Variants in THSD4 observed in about 807,000 individuals in gnomAD.
THSD4 encodes the protein thrombospondin type 1 domain containing 4.
In THSD4, 69 loss-of-function variants were observed where a neutral mutation model predicts 119.0. The observed-to-expected ratio is 0.58, with a 90% CI of 0.48 to 0.71. THSD4 has a LOEUF of 0.71. Among genes scored for constraint, THSD4 ranks in the 30% least tolerant of loss-of-function variants. THSD4 has a pLI of 0.00. For synonymous variants in THSD4, 524 were observed against 540.4 expected (o/e 0.97, Z 0.42); for missense variants, 1,393 against 1,391.1 (o/e 1.00, Z -0.02).
intron 3 of THSD4, among the ~76,000 whole-genome samples, chr15:71,191,769 A>G (rs2043673708): frequency 6.6e-6 from 1 of 151,992 alleles, no homozygotes; most frequent in Non-Finnish European, 1.5e-5. Context: ...AGTCGGCCCC[A>G]CATGAACCGG....
At chr15:71,351,528 G>A (rs2045743526) in intron 6 of THSD4, among the ~76,000 whole-genome samples, 1 of 152,140 alleles carries the variant, frequency 6.6e-6, no homozygotes, top group African/African-American at 2.4e-5. Flanking sequence ...CTAGCCATCT[G>A]CTCTTGAGTT....
At chr15:71,620,923 C>T (rs1451717188) in intron 7 of THSD4, among the ~76,000 whole-genome samples, 1 of 152,068 alleles carries the variant, frequency 6.6e-6, no homozygotes, top group Non-Finnish European at 1.5e-5. Context: ...TTCTGGCTGC[C>T]TCCTATTGTG....
intron 6 of THSD4, among the ~76,000 whole-genome samples, chr15:71,401,532 CTT>C (rs1461995019): frequency 6.6e-6 from 1 of 152,046 alleles, no homozygotes; most frequent in Non-Finnish European, 1.5e-5. Flanking sequence ...GTAAATAATA[CTT>C]ATATTGTTAA....
intron 6 of THSD4, among the ~76,000 whole-genome samples, chr15:71,333,220 G>A (rs1362646203): frequency 6.6e-6 from 1 of 152,114 alleles, no homozygotes; most frequent in African/African-American, 2.4e-5. Flanking sequence ...CCAAGAGTGT[G>A]AGCTTCCTTT....
At chr15:71,586,532 C>A (rs1816833405) in intron 7 of THSD4, among the ~76,000 whole-genome samples, 1 of 152,132 alleles carries the variant, frequency 6.6e-6, no homozygotes, top group South Asian at 2.1e-4. Context: ...GTCCTAAAGG[C>A]CACCCACATT....
At chr15:71,199,675 G>GT (rs2043764068) in intron 3 of THSD4, among the ~76,000 whole-genome samples, 1 of 42,042 alleles carries the variant, frequency 2.4e-5, no homozygotes, top group East Asian at 7.7e-4. Context: ...ATGTGTGGAG[G>GT]GTGTGTGTGT....
intron 2 of THSD4, among the ~76,000 whole-genome samples, chr15:71,150,217 CACAT>C (rs1195756882): frequency 2.0e-5 from 3 of 152,306 alleles, no homozygotes; most frequent in Admixed American, 1.3e-4. Context: ...CACACAGAGA[CACAT>C]GCATGCTCTC....
At chr15:71,396,988 C>T (rs1471615361) in intron 6 of THSD4, among the ~76,000 whole-genome samples, 1 of 152,102 alleles carries the variant, frequency 6.6e-6, no homozygotes, top group African/African-American at 2.4e-5. Flanking sequence ...ACTGCTGTTC[C>T]CTGTTCAGGT....
chr15:71,601,519 G>T (rs8029041), intron 7 of THSD4, among the ~76,000 whole-genome samples: 2 of 152,158 alleles, frequency 1.3e-5, no homozygotes, highest in Non-Finnish European at 2.9e-5. Context: ...CCTGTTGGCC[G>T]CTTTATAAAT....
intron 6 of THSD4, among the ~76,000 whole-genome samples, chr15:71,293,545 C>T (rs2044821657): frequency 2.6e-5 from 4 of 152,046 alleles, no homozygotes; most frequent in Admixed American, 1.3e-4. Context: ...TGAACCAGAG[C>T]CTCATCTTTC....
intron 7 of THSD4, among the ~76,000 whole-genome samples, chr15:71,414,905 T>A (rs1211668362): frequency 6.6e-6 from 1 of 152,240 alleles, no homozygotes; most frequent in Non-Finnish European, 1.5e-5. Flanking sequence ...TTGAAGTTGT[T>A]GGAACCACTG....
chr15:71,250,914 T>C (rs751315010), intron 5 of THSD4, among the ~76,000 whole-genome samples: 8 of 152,040 alleles, frequency 5.3e-5, no homozygotes. Context: ...TGAACTTCCT[T>C]GGATGAAAAA....
intron 16 of THSD4, among the ~76,000 whole-genome samples, 190 bp downstream of exon 16, chr15:71,765,389 T>C (rs1300550711): frequency 6.6e-6 from 1 of 152,212 alleles, no homozygotes; most frequent in East Asian, 1.9e-4. Context: ...GAGACCTAGA[T>C]GATCTTGCTT....
intron 7 of THSD4, among the ~76,000 whole-genome samples, chr15:71,582,617 C>T (rs923610684): frequency 7.2e-5 from 11 of 152,034 alleles, no homozygotes; most frequent in Non-Finnish European, 1.6e-4. Flanking sequence ...TAGCTGTGGG[C>T]TTGCCATATA....
chr15:71,566,300 G>A lies in THSD4; in HGVS notation c.1153-94230G>A, dbSNP rs1285079562. On this transcript the variant is annotated intron_variant, in intron 7 of 17. Coordinates refer to ENST00000261862, the MANE Select transcript of THSD4 (RefSeq NM_024817.3). ...AAAAATGCAAACTACTTTTGAAATAGCTATAAGTAAAAATACCCAGAAGTC... is the reference window on the plus strand; with the variant it reads ...AAAAATGCAAACTACTTTTGAAATAACTATAAGTAAAAATACCCAGAAGTC... 3.9e-5 allele frequency among the ~76,000 whole-genome samples: 6 copies of A among 152,130 alleles called. No individual in the cohort carries two copies. The East Asian group carries it at 9.7e-4, about 25-fold the overall frequency.
intron 4 of THSD4, among the ~76,000 whole-genome samples, chr15:71,237,608 G>A (rs1053448172): frequency 1.3e-5 from 2 of 152,200 alleles, no homozygotes; most frequent in African/African-American, 4.8e-5. Context: ...TGAAGCAGAA[G>A]CTGGATTTTA....
chr15:71,372,567 A>G (rs1013240972), intron 6 of THSD4, among the ~76,000 whole-genome samples: 3 of 152,266 alleles, frequency 2.0e-5, no homozygotes, highest in African/African-American at 4.8e-5. Flanking sequence ...TTGCCTGGGT[A>G]TCAGCAGTGG....
intron 6 of THSD4, among the ~76,000 whole-genome samples, chr15:71,409,154 T>TCCCCCC (rs758192926): frequency 1.2e-5 from 1 of 83,800 alleles, no homozygotes; most frequent in Non-Finnish European, 2.5e-5. Context: ...GCTTTTTTTT[T>TCCCCCC]TCCCCCCCCC....
chr15:71,575,570 G>A (rs190316434), intron 7 of THSD4, among the ~76,000 whole-genome samples: 107 of 152,248 alleles, frequency 7.0e-4, no homozygotes, highest in African/African-American at 2.4e-3. Flanking sequence ...TTAATAAGTT[G>A]TGTTTGAAGT....
Sources: gnomAD v4.1 joint callset for allele counts (sites outside exome capture counted in the v4.1 genomes callset) on GRCh38, gnomAD v4.1.1 for gene constraint, MANE v1.5 for transcripts, NCBI Gene and HGNC (gene_info 2026-07-23, HGNC 2026-07-21) for gene names.